The following ATXN1 variants were observed in gnomAD, a reference collection of about 807,000 sequenced individuals.
ATXN1 encodes the protein ataxin-1.
ATXN1 carries 8 observed loss-of-function variants against 56.4 expected under a neutral mutation model. The ratio of observed to expected loss-of-function variants is 0.14; its 90% CI spans 0.08 to 0.26. ATXN1 has a LOEUF of 0.26. ATXN1 is among the 10% of genes least tolerant of loss of function. ATXN1 has a pLI of 1.00. For synonymous variants in ATXN1, 514 were observed against 494.6 expected, an observed-to-expected ratio of 1.04 and a Z score of -0.52; for missense variants, 987 against 1,106.5, an observed-to-expected ratio of 0.89 and a Z score of 1.53.
chr6:16,554,698 C>A (rs1457691712), intron 4 of ATXN1, among the ~76,000 whole-genome samples: 2 of 152,140 alleles, frequency 1.3e-5, no homozygotes, highest in Non-Finnish European at 2.9e-5. Flanking sequence ...AGGTGATGCA[C>A]CCACCTCAGC....
chr6:16,452,086 C>G (rs1220451108), intron 6 of ATXN1, among the ~76,000 whole-genome samples: 1 of 152,130 alleles, frequency 6.6e-6, no homozygotes, highest in Non-Finnish European at 1.5e-5. Context: ...GGCTCATGAA[C>G]AAGACAGATG....
chr6:16,595,881 A>C (rs1762804634), intron 3 of ATXN1, among the ~76,000 whole-genome samples: 1 of 152,220 alleles, frequency 6.6e-6, no homozygotes, highest in Non-Finnish European at 1.5e-5. Context: ...GCCTTATTTT[A>C]ATCACAGTGG....
chr6:16,468,924 T>G (rs1431891709), intron 6 of ATXN1, among the ~76,000 whole-genome samples: 1 of 151,536 alleles, frequency 6.6e-6, no homozygotes, highest in Non-Finnish European at 1.5e-5. Context: ...AGGACTGTGA[T>G]AGAAAACTAT....
chr6:16,674,815 G>A (rs923596862), intron 2 of ATXN1, among the ~76,000 whole-genome samples: 1 of 152,122 alleles, frequency 6.6e-6, no homozygotes, highest in African/African-American at 2.4e-5. Flanking sequence ...GAGATCCTGG[G>A]AAATGGCCAC....
At chr6:16,545,909 G>C (rs140910387) in intron 4 of ATXN1, among the ~76,000 whole-genome samples, 11 of 152,290 alleles carry the variant, frequency 7.2e-5, no homozygotes, top group African/African-American at 2.6e-4. Context: ...GAGAAATAGA[G>C]AGCAGCTTTT....
At chr6:16,680,201 T>C (rs1417822649) in intron 2 of ATXN1, among the ~76,000 whole-genome samples, 1 of 152,198 alleles carries the variant, frequency 6.6e-6, no homozygotes, top group Non-Finnish European at 1.5e-5. Context: ...CTCTTTGCTC[T>C]GTACTCTTGT....
rs779131078 is a variant in ATXN1, at chr6:16,327,016, G to A, written c.1295C>T (p.Thr432Met). ...GHRSYALSPH[T>M]VIQTTHSASE... ...AGCACTGTGTGTGGTCTGAATGACCGTGTGGGGTGAGAGCGCGTAGGACCG... is the reference window on the plus strand; with the variant it reads ...AGCACTGTGTGTGGTCTGAATGACCATGTGGGGTGAGAGCGCGTAGGACCG... The change falls in exon 7 of 8, where the codon ACG becomes ATG. Residue 432 changes from threonine to methionine, a missense_variant. Thr to Met is a moderately conservative substitution (Grantham distance 81, BLOSUM62 -1). Coordinates refer to ENST00000436367, the MANE Select transcript of ATXN1 (RefSeq NM_001128164.2). The A allele has an allele frequency of 1.4e-5, 22 of 1,614,158 alleles. No individual in the cohort carries two copies. The highest frequency in any genetic ancestry group is 2.2e-5 in the East Asian group (1 of 44,872).
At chr6:16,431,350 C>G (rs911991134) in intron 6 of ATXN1, among the ~76,000 whole-genome samples, 1 of 152,146 alleles carries the variant, frequency 6.6e-6, no homozygotes, top group African/African-American at 2.4e-5. Context: ...GTTTGTTCCA[C>G]CCGTTTTATT....
intron 6 of ATXN1, among the ~76,000 whole-genome samples, chr6:16,352,530 A>T (rs1761592145): frequency 6.6e-6 from 1 of 152,178 alleles, no homozygotes; most frequent in African/African-American, 2.4e-5. Flanking sequence ...TCTGTCTGGT[A>T]GTCTCCACAT....
chr6:16,698,887 C>T (rs1365236522), intron 2 of ATXN1, among the ~76,000 whole-genome samples: 1 of 152,092 alleles, frequency 6.6e-6, no homozygotes, highest in Non-Finnish European at 1.5e-5. Context: ...ATTGTCCGTC[C>T]AATTCAATAA....
intron 3 of ATXN1, among the ~76,000 whole-genome samples, chr6:16,616,629 A>G (rs1449252429): frequency 4.2e-5 from 6 of 142,492 alleles, no homozygotes. Flanking sequence ...ATATATTTAT[A>G]TAAAATATAT....
chr6:16,711,389 A>G (rs1759518990), intron 2 of ATXN1, among the ~76,000 whole-genome samples: 1 of 152,106 alleles, frequency 6.6e-6, no homozygotes, highest in Non-Finnish European at 1.5e-5. Flanking sequence ...ATATATCTTA[A>G]AAAATGATAA....
intron 3 of ATXN1, among the ~76,000 whole-genome samples, chr6:16,628,422 C>T (rs2113807682): frequency 6.6e-6 from 1 of 152,290 alleles, no homozygotes; most frequent in Admixed American, 6.5e-5. Flanking sequence ...CCATATTTCA[C>T]ACACAAACAA....
At chr6:16,587,942 A>G (rs1040898310) in intron 3 of ATXN1, among the ~76,000 whole-genome samples, 2 of 152,030 alleles carry the variant, frequency 1.3e-5, no homozygotes, top group East Asian at 1.9e-4. Flanking sequence ...AAAAAAAAAA[A>G]AAAGAAAATT....
chr6:16,536,043 AAAAAACC>A (rs1185363594), intron 4 of ATXN1, among the ~76,000 whole-genome samples: 2 of 151,920 alleles, frequency 1.3e-5, no homozygotes, highest in Non-Finnish European at 2.9e-5. Flanking sequence ...CTCTACCAAA[AAAAAACC>A]AAAAACCAAA....
At chr6:16,634,026 C>T (rs991825685) in intron 3 of ATXN1, among the ~76,000 whole-genome samples, 2 of 152,216 alleles carry the variant, frequency 1.3e-5, no homozygotes, top group African/African-American at 4.8e-5. Context: ...ATATGAAAGG[C>T]TATTCTTCAC....
intron 1 of ATXN1, chr6:16,754,519 G>T (rs775422888): frequency 6.6e-6 from 1 of 152,144 alleles, no homozygotes; most frequent in Non-Finnish European, 1.5e-5. Context: ...CGGTACTCAT[G>T]ATTATTTTCA....
chr6:16,411,711 C>CCGT (rs1184472346), intron 6 of ATXN1, among the ~76,000 whole-genome samples: 1 of 152,152 alleles, frequency 6.6e-6, no homozygotes, highest in African/African-American at 2.4e-5. Context: ...ATGAATGTCA[C>CCGT]CGTAGTATGG....
intron 3 of ATXN1, among the ~76,000 whole-genome samples, chr6:16,588,337 C>T (rs1247479171): frequency 6.6e-6 from 1 of 152,240 alleles, no homozygotes; most frequent in Non-Finnish European, 1.5e-5. Context: ...GCATTCTCTT[C>T]CAACTTGCAC....
Sources: gnomAD v4.1 joint callset for allele counts (sites outside exome capture counted in the v4.1 genomes callset) on GRCh38, gnomAD v4.1.1 for gene constraint, MANE v1.5 for transcripts, NCBI Gene and HGNC (gene_info 2026-07-23, HGNC 2026-07-21) for gene names.